The following TCF12 variants were observed in gnomAD, a reference collection of about 807,000 sequenced individuals.
The protein encoded by TCF12 is DNA-binding protein HTF4.
In TCF12, 45 loss-of-function variants were observed where a neutral mutation model predicts 86.0. The observed-to-expected ratio is 0.52, with a 90% CI of 0.41 to 0.67. The LOEUF (loss-of-function observed/expected upper bound fraction) is 0.67. TCF12 is among the 30% of genes least tolerant of loss of function. The pLI is 0.00. For synonymous variants in TCF12, 330 were observed against 299.6 expected (o/e 1.10, Z -1.05); for missense variants, 881 against 859.9 (o/e 1.02, Z -0.31).
chr15:57,201,179 G>C (rs72733904), intron 8 of TCF12, among the ~76,000 whole-genome samples: 2 of 151,964 alleles, frequency 1.3e-5, no homozygotes, highest in Non-Finnish European at 2.9e-5. Context: ...AGCAACAGTA[G>C]AATAATGCTT....
At chr15:57,202,517 G>C (rs1232789364) in intron 8 of TCF12, among the ~76,000 whole-genome samples, 1 of 149,282 alleles carries the variant, frequency 6.7e-6, no homozygotes, top group Admixed American at 6.7e-5. Context: ...CTCACTGCAA[G>C]CTCCGCCTCC....
chr15:57,077,459 A>G (rs1273053022), intron 4 of TCF12, among the ~76,000 whole-genome samples: 1 of 145,116 alleles, frequency 6.9e-6, no homozygotes, highest in African/African-American at 2.6e-5. Flanking sequence ...GTATTTTTAG[A>G]TAGTTTTTAG....
chr15:57,222,758 A>ATTTTTTTT (rs57645813), intron 8 of TCF12, among the ~76,000 whole-genome samples: 12 of 45,532 alleles, frequency 2.6e-4, no homozygotes, highest in Admixed American at 7.7e-4. Context: ...AAGGACTGCC[A>ATTTTTTTT]TTTTTTTTTT....
In TCF12 at chr15:57,288,516, A is replaced by G. The variant is rs1416578354; in HGVS notation, c.*2371A>G. 2 of 152,616 alleles carry G rather than the reference A, an allele frequency of 1.3e-5. No individual in the cohort carries two copies. Among genetic ancestry groups the G allele is most frequent in the African/African-American group, 4.8e-5 (2 of 41,422 alleles). 9.5% of individuals were successfully genotyped at this position (152,616 alleles called of 1,614,324 possible). On this transcript the variant is annotated 3_prime_UTR_variant, in exon 21 of 21. Transcript: ENST00000333725. ...GTGCCATCTTTTTTTTAACACAGTA[A>G]AATAGTGAGTTTTTTACATTTCTCT...
At chr15:57,219,557 C>T (rs761202175) in intron 8 of TCF12, 1 of 1,613,458 alleles carries the variant, frequency 6.2e-7, no homozygotes, top group South Asian at 1.1e-5. Flanking sequence ...GAATGGGCAG[C>T]AATTCTTTGA....
At chr15:57,104,442 T>C (rs562201177) in intron 5 of TCF12, among the ~76,000 whole-genome samples, 53,224 of 133,464 alleles carry the variant, frequency 0.4, 9,957 homozygotes, top group East Asian at 0.55. Flanking sequence ...TTTCTTTTTT[T>C]TTTTTTTTTT....
At chr15:57,075,847 C>CTTTCTCTCT (rs2069959056) in intron 4 of TCF12, among the ~76,000 whole-genome samples, 1 of 73,118 alleles carries the variant, frequency 1.4e-5, no homozygotes, top group East Asian at 5.1e-4. Flanking sequence ...TTCTTTCTTT[C>CTTTCTCTCT]TTTCTTTCTT....
At chr15:57,055,295 G>C (rs1438494802) in intron 3 of TCF12, among the ~76,000 whole-genome samples, 1 of 152,132 alleles carries the variant, frequency 6.6e-6, no homozygotes, top group Non-Finnish European at 1.5e-5. Context: ...CCAGCTACTT[G>C]GGAGGCTGAG....
chr15:57,207,215 T>C (rs984475902), intron 8 of TCF12, among the ~76,000 whole-genome samples: 1 of 152,170 alleles, frequency 6.6e-6, no homozygotes, highest in Admixed American at 6.5e-5. Context: ...GAATCATGTG[T>C]CATGTTTCTG....
intron 3 of TCF12, among the ~76,000 whole-genome samples, chr15:57,044,225 CTAATA>C (rs1334770075): frequency 6.6e-6 from 1 of 152,126 alleles, no homozygotes; most frequent in Admixed American, 6.5e-5. Flanking sequence ...CCACATGACT[CTAATA>C]TAAGCTCTGC....
chr15:57,023,440 G>A (rs1391542071), intron 3 of TCF12, among the ~76,000 whole-genome samples: 1 of 151,954 alleles, frequency 6.6e-6, no homozygotes, highest in Non-Finnish European at 1.5e-5. Context: ...ACCAATTGAT[G>A]ATCACAACTT....
At chr15:57,109,015 GTT>G (rs1567439958) in intron 5 of TCF12, among the ~76,000 whole-genome samples, 1 of 152,116 alleles carries the variant, frequency 6.6e-6, no homozygotes, top group East Asian at 1.9e-4. Context: ...TGGGACAGGT[GTT>G]TTTTTGTTTG....
At chr15:57,196,682 T>A (rs1471885753) in intron 7 of TCF12, among the ~76,000 whole-genome samples, 1 of 152,242 alleles carries the variant, frequency 6.6e-6, no homozygotes, top group African/African-American at 2.4e-5. Context: ...GTGAGACTGG[T>A]TAACATATGA....
intron 4 of TCF12, 129 bp downstream of exon 4, chr15:57,063,952 T>TG: frequency 1.4e-6 from 1 of 708,640 alleles, no homozygotes; most frequent in Non-Finnish European, 2.4e-6. Context: ...GAATACCTAG[T>TG]ACCTTTTTGT....
intron 4 of TCF12, among the ~76,000 whole-genome samples, chr15:57,077,488 T>A (rs2070216723): frequency 6.6e-6 from 1 of 151,690 alleles, no homozygotes; most frequent in African/African-American, 2.4e-5. Context: ...TCTTGCACAT[T>A]TTCTGTTTAA....
At chr15:57,005,114 CATT>C (rs1282684884) in intron 3 of TCF12, among the ~76,000 whole-genome samples, 1 of 152,070 alleles carries the variant, frequency 6.6e-6, no homozygotes, top group Non-Finnish European at 1.5e-5. Flanking sequence ...ATCAGGGTGT[CATT>C]ATTAGAAAAA....
At position 57,051,492 on chromosome 15, in the gene TCF12, C is replaced by CT. The variant is rs1260475530; in HGVS notation, c.149-12248dup. Among the ~76,000 whole-genome samples, 333 of 150,290 alleles carry CT rather than the reference C, an allele frequency of 2.2e-3. 2 individuals carry two copies. The highest frequency in any genetic ancestry group is 7.3e-3 in the African/African-American group (300 of 41,082). On this transcript the variant is annotated intron_variant, in intron 3 of 20. Coordinates refer to ENST00000333725, the MANE Select transcript of TCF12 (RefSeq NM_207037.2). ...GCTGCCTTTTCTGCCTCCTCTCCTT[C>CT]TTTTTTTTTTAAGTAGAGATGAGTT...
chr15:57,091,585 C>G (rs2048996260), intron 4 of TCF12, among the ~76,000 whole-genome samples: 1 of 151,962 alleles, frequency 6.6e-6, no homozygotes, highest in South Asian at 2.1e-4. Flanking sequence ...TCTTTACGAT[C>G]AATAAAGAAA....
intron 5 of TCF12, among the ~76,000 whole-genome samples, chr15:57,107,782 C>T (rs546187436): frequency 1.3e-4 from 19 of 151,968 alleles, no homozygotes; most frequent in African/African-American, 4.1e-4. Flanking sequence ...GTGGTGCATG[C>T]CTGTTGTCCT....
Sources: allele counts gnomAD v4.1 joint callset (sites outside exome capture counted in the v4.1 genomes callset), GRCh38; gene constraint gnomAD v4.1.1; transcripts MANE v1.5; gene names NCBI Gene and HGNC (gene_info 2026-07-23, HGNC 2026-07-21).